Variants in SYNJ2 observed in about 807,000 individuals in gnomAD.
SYNJ2 encodes synaptojanin 2, also known as polyphosphatidylinositol phosphatase SYNJ2.
In SYNJ2, 116 loss-of-function variants were observed where a neutral mutation model predicts 141.3. That is an observed-to-expected ratio of 0.82 (90% CI 0.71 to 0.96). SYNJ2 has a LOEUF of 0.96. Among genes scored for constraint, SYNJ2 ranks in the 40% least tolerant of loss-of-function variants. The probability of loss-of-function intolerance (pLI) is 0.00; values close to 1 mark genes in which losing one functional copy is unlikely to be tolerated. For synonymous variants in SYNJ2, 745 were observed against 777.7 expected (o/e 0.96, Z 0.70); for missense variants, 1,873 against 1,934.8 (o/e 0.97, Z 0.60).
chr6:158,034,164 C>T (rs766616041), intron 4 of SYNJ2, among the ~76,000 whole-genome samples: 4 of 152,124 alleles, frequency 2.6e-5, no homozygotes, highest in Non-Finnish European at 4.4e-5. Flanking sequence ...GTTAAGCAGC[C>T]GCTCCCATCC....
rs572512626 is a variant in SYNJ2 at position 158,040,675 on chromosome 6, C to T, written c.712-2641C>T. Among the ~76,000 whole-genome samples, 2 of 152,332 alleles carry T rather than the reference C, an allele frequency of 1.3e-5. No individual in the cohort carries two copies. The highest frequency in any genetic ancestry group is 4.1e-4 in the South Asian group (2 of 4,822). ...GGTTTGCAGACACTGTATCTGGAAG[C>T]AGAAGGTCAGCAGAAAGCCTTTCAG... On this transcript the variant is annotated intron_variant, in intron 4 of 26. Coordinates refer to ENST00000355585, the MANE Select transcript of SYNJ2 (RefSeq NM_003898.4). The surrounding 1 kb of genome is among the most constrained non-coding windows in gnomAD (Gnocchi z 4.2).
rs1691213895 is a variant in SYNJ2 at position 158,028,962 on chromosome 6, G to A, written c.421G>A (p.Asp141Asn). 1 of 1,613,834 alleles carries A rather than the reference G, an allele frequency of 6.2e-7. No individual in the cohort carries two copies. Among genetic ancestry groups the A allele is most frequent in the Non-Finnish European group, 8.5e-7 (1 of 1,180,006 alleles). Residue 141 changes from aspartate to asparagine, a missense_variant, in exon 3 of 27, where the codon GAC becomes AAC. Coordinates refer to ENST00000355585, the MANE Select transcript of SYNJ2 (RefSeq NM_003898.4). ...FSWPNDGSRF[D>N]LTVRTQKQGD... Reference sequence around the variant, plus strand: ...ATGGCCAAACGATGGGTCTCGCTTTGACCTGACTGTCCGCACGCAGAAGCA... The same window carrying A: ...ATGGCCAAACGATGGGTCTCGCTTTAACCTGACTGTCCGCACGCAGAAGCA...
At chr6:158,077,875 G>C (rs540714583) in intron 17 of SYNJ2, 15 of 220,274 alleles carry the variant, frequency 6.8e-5, no homozygotes, top group Admixed American at 2.7e-4. Flanking sequence ...TGGGATTCCT[G>C]GGTCCTGGAA....
chr6:158,067,470 T>A, intron 12 of SYNJ2: 1 of 985,442 alleles, frequency 1.0e-6, no homozygotes, highest in Non-Finnish European at 1.2e-6. Context: ...TTTTATCTTG[T>A]AAGATACACT....
At chr6:157,981,781 C>A, upstream of SYNJ2, 1 of 480,658 alleles carries the variant, frequency 2.1e-6, no homozygotes, top group South Asian at 1.0e-4. The surrounding 1 kb of genome is among the most constrained non-coding windows in gnomAD (Gnocchi z 6.4). Context: ...CTGCCCCAGG[C>A]TGGGGAGGCG....
chr6:157,988,391 G>T (rs1287156375), intron 1 of SYNJ2, among the ~76,000 whole-genome samples: 1 of 152,214 alleles, frequency 6.6e-6, no homozygotes, highest in Non-Finnish European at 1.5e-5. Context: ...TAGGAGGATA[G>T]AACCTATTTT....
At chr6:158,035,451 A>G (rs1315970817) in intron 4 of SYNJ2, among the ~76,000 whole-genome samples, 2 of 152,010 alleles carry the variant, frequency 1.3e-5, no homozygotes, top group Admixed American at 1.3e-4. Context: ...TGTGAATGGG[A>G]TTGTGTTCCT....
chr6:158,070,141 C>T lies in SYNJ2; in HGVS notation c.1940+468C>T, dbSNP rs760787075. On this transcript the variant is annotated intron_variant, in intron 14 of 26. Transcript: ENST00000355585. The surrounding 1 kb of genome is among the most constrained non-coding windows in gnomAD (Gnocchi z 4.0). The stretch of plus-strand genomic sequence containing the variant: ...TGCTTTGTGAGCATCAGAAAGGGGG[C>T]GAGCTTAGGGGCGGCATTCCTCTTG... The T allele has an allele frequency of 4.3e-5, 42 of 985,332 alleles. No homozygotes were observed. The highest frequency in any genetic ancestry group is 6.1e-5 in the Admixed American group (1 of 16,276). 61.0% of individuals were successfully genotyped at this position (985,332 alleles called of 1,614,324 possible). A position where few individuals can be genotyped will look rare whatever the true frequency, so the allele number is the denominator to read the frequency against.
intron 1 of SYNJ2, among the ~76,000 whole-genome samples, chr6:157,996,788 C>G (rs1777647725): frequency 6.6e-6 from 1 of 152,192 alleles, no homozygotes; most frequent in African/African-American, 2.4e-5. Flanking sequence ...TGGTCCTGCT[C>G]CTGCCATGTA....
At chr6:158,093,456 A>C (rs7775428) in intron 26 of SYNJ2, among the ~76,000 whole-genome samples, 5 of 152,030 alleles carry the variant, frequency 3.3e-5, no homozygotes, top group South Asian at 4.2e-4. Flanking sequence ...AAAACAAAAA[A>C]AAAAAAACAG....
Position 158,059,524 on chromosome 6 carries a change from C to T in SYNJ2, c.954+171C>T, listed in dbSNP as rs540565506. 2.0e-4 allele frequency: 275 copies of T among 1,399,700 alleles called. 2 individuals carry two copies. The Middle Eastern group carries it at 3.2e-3, about 16-fold the overall frequency. 86.7% of individuals were successfully genotyped at this position (1,399,700 alleles called of 1,614,324 possible). A position where few individuals can be genotyped will look rare whatever the true frequency, so the allele number is the denominator to read the frequency against. ...GTGAACACGGCAGTGCTCAGTGACTCGGGCCCTGATACAGTGAGTGTAATT... is the reference window on the plus strand; with the variant it reads ...GTGAACACGGCAGTGCTCAGTGACTTGGGCCCTGATACAGTGAGTGTAATT... On this transcript the variant is annotated intron_variant, in intron 7 of 26. Transcript: ENST00000355585.
At chr6:158,052,715 GC>G (rs565743432) in intron 5 of SYNJ2, among the ~76,000 whole-genome samples, 137 of 152,256 alleles carry the variant, frequency 9.0e-4, no homozygotes, top group Non-Finnish European at 1.5e-3. Context: ...CTCCCACCAG[GC>G]CCCACCTCCA....
At chr6:158,019,053 A>C (rs1208539585) in intron 2 of SYNJ2, among the ~76,000 whole-genome samples, 1 of 152,232 alleles carries the variant, frequency 6.6e-6, no homozygotes, top group Non-Finnish European at 1.5e-5. Flanking sequence ...CCTGCCTTGC[A>C]GGTGTGGCAG....
intron 1 of SYNJ2, among the ~76,000 whole-genome samples, chr6:157,989,801 T>C (rs940472371): frequency 2.6e-5 from 4 of 152,150 alleles, no homozygotes; most frequent in Non-Finnish European, 5.9e-5. Flanking sequence ...CCCAGAACGT[T>C]AGACTGGGTC....
At chr6:158,033,928 T>C (rs1779507866) in intron 4 of SYNJ2, among the ~76,000 whole-genome samples, 1 of 152,252 alleles carries the variant, frequency 6.6e-6, no homozygotes, top group African/African-American at 2.4e-5. Flanking sequence ...CCGAGGTATT[T>C]TTAACTAAAC....
Position 158,092,998 on chromosome 6 carries a change from C to CG in SYNJ2, c.3643dup (p.Ala1215GlyfsTer43). 6.2e-7 allele frequency: 1 copy of CG among 1,613,154 alleles called. No individual in the cohort carries two copies. ...GCATCCTCTGAACCAGAGCCCACACCGGGGGCAGCCAAACCAGAGACCCCA... is the reference window on the plus strand; with the variant it reads ...GCATCCTCTGAACCAGAGCCCACACCGGGGGGCAGCCAAACCAGAGACCCCA... On this transcript the variant is annotated frameshift_variant, in exon 26 of 27. Coordinates refer to ENST00000355585, the MANE Select transcript of SYNJ2 (RefSeq NM_003898.4). LOFTEE classifies it high-confidence loss of function.
At chr6:158,083,826 A>G (rs750911394) in intron 21 of SYNJ2, among the ~76,000 whole-genome samples, 175 bp from the exon 22 acceptor site, 1 of 152,142 alleles carries the variant, frequency 6.6e-6, no homozygotes, top group Non-Finnish European at 1.5e-5. Flanking sequence ...TGAGGATATC[A>G]GGGCTGTGGG....
intron 1 of SYNJ2, among the ~76,000 whole-genome samples, chr6:158,003,789 G>A (rs111947024): frequency 4.1e-4 from 63 of 152,142 alleles, no homozygotes; most frequent in African/African-American, 1.5e-3. Flanking sequence ...CCTCTGCCTC[G>A]GGATGGTCTG....
intron 26 of SYNJ2, among the ~76,000 whole-genome samples, 193 bp downstream of exon 26, chr6:158,093,297 G>A (rs538252918): frequency 3.2e-4 from 48 of 152,118 alleles, no homozygotes; most frequent in Admixed American, 2.5e-3. Flanking sequence ...TTAGCCGGGC[G>A]TGGTGGCGCA....
Sources: gnomAD v4.1 joint callset for allele counts (sites outside exome capture counted in the v4.1 genomes callset) on GRCh38, gnomAD v4.1.1 for gene constraint, Gnocchi (gnomAD v3.1) non-coding constraint, MANE v1.5 for transcripts, NCBI Gene and HGNC (gene_info 2026-07-23, HGNC 2026-07-21) for gene names.